SRFBP1: variants seen among roughly 807,000 people sequenced by gnomAD.
SRFBP1 encodes serum response factor-binding protein 1.
In SRFBP1, 47 loss-of-function variants were observed where a neutral mutation model predicts 45.5. That is an observed-to-expected ratio of 1.03 (90% CI 0.82 to 1.32). SRFBP1 has a LOEUF of 1.32. Ranked by LOEUF, SRFBP1 falls within the 40% of genes most tolerant of loss-of-function variation. SRFBP1 has a pLI of 0.00. For missense variants in SRFBP1, 621 were observed against 484.6 expected (o/e 1.28, Z -2.64); for synonymous variants, 203 against 166.3 (o/e 1.22, Z -1.70).
chr5:121,971,513 A>G (rs1561575757), intron 1 of SRFBP1, among the ~76,000 whole-genome samples: 3 of 151,984 alleles, frequency 2.0e-5, no homozygotes, highest in Admixed American at 1.3e-4. Context: ...ATTTGAGGTG[A>G]TTTTGAGCGC....
At chr5:122,077,170 A>G, downstream of SRFBP1, 1 of 1,463,752 alleles carries the variant, frequency 6.8e-7, no homozygotes, top group Non-Finnish European at 9.0e-7. The surrounding 1 kb of genome is among the most constrained non-coding windows in gnomAD (Gnocchi z 4.9). Flanking sequence ...AAGCAATGTG[A>G]AAAGGAAGCA....
chr5:121,989,091 G>A (rs897182620), intron 3 of SRFBP1, among the ~76,000 whole-genome samples: 1 of 151,982 alleles, frequency 6.6e-6, no homozygotes, highest in Non-Finnish European at 1.5e-5. Context: ...TTGAGCCGGA[G>A]TCTAGCTCTA....
intron 2 of SRFBP1, among the ~76,000 whole-genome samples, chr5:122,053,598 T>TTC (rs1290812348): frequency 6.6e-6 from 1 of 152,010 alleles, no homozygotes; most frequent in Non-Finnish European, 1.5e-5. Flanking sequence ...AATAGGAGGC[T>TTC]GCACCCACCA....
At position 122,014,173 on chromosome 5, in the gene SRFBP1, CAG is replaced by C. The variant is rs201556586; in HGVS notation, c.271-5085_271-5084del. ...GTCTAAAATTATTGTCAAAATAAAACAGAAAACACATCTTAGAGTTTTATAAC... is the reference window on the plus strand; with the variant it reads ...GTCTAAAATTATTGTCAAAATAAAACAAAACACATCTTAGAGTTTTATAAC... On this transcript the variant is annotated intron_variant, in intron 4 of 7. Transcript: ENST00000339397. Among the ~76,000 whole-genome samples the C allele has an allele frequency of 4.1e-3, 623 of 152,016 alleles. 15 individuals carry two copies. The East Asian group carries it at 0.053, about 13-fold the overall frequency.
rs543804421 is a variant in SRFBP1 at position 121,981,873 on chromosome 5, A to T, written c.198+6486A>T. Among the ~76,000 whole-genome samples the T allele has an allele frequency of 1.6e-4, 25 of 151,922 alleles. No individual in the cohort carries two copies. The East Asian group carries it at 4.9e-3, about 29-fold the overall frequency. Reference sequence around the variant, plus strand: ...TCAGAACTTCTTAAGAAAATGGGTTATTTTACTCAATTAATTGTTCCTAAC... The same window carrying T: ...TCAGAACTTCTTAAGAAAATGGGTTTTTTTACTCAATTAATTGTTCCTAAC... On this transcript the variant is annotated intron_variant, in intron 3 of 7. Coordinates refer to ENST00000339397, the MANE Select transcript of SRFBP1 (RefSeq NM_152546.3).
rs553761817 is a variant in SRFBP1 at position 122,051,574 on chromosome 5, T to C, written n.312-23741T>C. Reference sequence around the variant, plus strand: ...AGTCTGTTTTGTCTGAAATTAGGATTGCAACCCCTGCTTTTTCTGTTTTCC... The same window carrying C: ...AGTCTGTTTTGTCTGAAATTAGGATCGCAACCCCTGCTTTTTCTGTTTTCC... On this transcript the variant is annotated intron_variant and non_coding_transcript_variant, in intron 2 of 2. Transcript: ENST00000504881. Among the ~76,000 whole-genome samples the C allele has an allele frequency of 3.9e-5, 6 of 152,234 alleles. No individual in the cohort carries two copies. The East Asian group carries it at 1.2e-3, about 29-fold the overall frequency.
chr5:122,039,582 T>C (rs144280876), intron 2 of SRFBP1, among the ~76,000 whole-genome samples: 15 of 152,276 alleles, frequency 9.9e-5, no homozygotes, highest in African/African-American at 2.4e-4. Context: ...TTCCAGATAA[T>C]CTTCCACACT....
chr5:122,059,991 G>T (rs1017675141), intron 2 of SRFBP1, among the ~76,000 whole-genome samples: 3 of 152,066 alleles, frequency 2.0e-5, no homozygotes, highest in African/African-American at 7.2e-5. Context: ...TGGAACTCCA[G>T]TGTGACATGT....
chr5:122,072,068 A>G (rs578130093), intron 2 of SRFBP1, among the ~76,000 whole-genome samples: 1 of 152,350 alleles, frequency 6.6e-6, no homozygotes, highest in East Asian at 1.9e-4. Context: ...GGCATATAAT[A>G]CATACTCAAT....
intron 4 of SRFBP1, among the ~76,000 whole-genome samples, chr5:122,007,031 T>C (rs1752990220): frequency 1.3e-5 from 2 of 152,088 alleles, no homozygotes; most frequent in African/African-American, 2.4e-5. Context: ...CTTATTCTAG[T>C]GTTTGCATAC....
chr5:121,990,166 A>T (rs1043889412), intron 3 of SRFBP1, among the ~76,000 whole-genome samples: 2 of 152,212 alleles, frequency 1.3e-5, no homozygotes, highest in Non-Finnish European at 2.9e-5. Flanking sequence ...ACATGGAATC[A>T]GTGCAGGTGC....
chr5:122,033,430 G>A (rs183215463), downstream of SRFBP1, among the ~76,000 whole-genome samples: 7 of 151,544 alleles, frequency 4.6e-5, no homozygotes, highest in South Asian at 1.0e-3. Context: ...TCCTTACAAC[G>A]GTTTGCTTGC....
chr5:121,975,065 A>T (rs1389296785), intron 2 of SRFBP1, among the ~76,000 whole-genome samples: 2 of 151,962 alleles, frequency 1.3e-5, no homozygotes, highest in African/African-American at 4.8e-5. Context: ...AAGGCAAACT[A>T]TCAAAAGTAA....
intron 7 of SRFBP1, among the ~76,000 whole-genome samples, chr5:122,024,283 G>T (rs146776032): frequency 6.8e-4 from 103 of 152,274 alleles, no homozygotes; most frequent in African/African-American, 2.3e-3. Context: ...TGGCACATGG[G>T]TTGCTTACTT....
At chr5:122,034,573 T>C (rs768832645) in intron 2 of SRFBP1, among the ~76,000 whole-genome samples, 4 of 152,086 alleles carry the variant, frequency 2.6e-5, no homozygotes, top group African/African-American at 4.8e-5. Context: ...TCTCTTCCTA[T>C]TTTTAGTTGC....
At chr5:122,033,763 C>T (rs1227931758) in intron 2 of SRFBP1, among the ~76,000 whole-genome samples, 1 of 149,544 alleles carries the variant, frequency 6.7e-6, no homozygotes, top group Non-Finnish European at 1.5e-5. Context: ...CCAGCCGGTG[C>T]TTCTGCTTTC....
downstream of SRFBP1, chr5:122,077,182 G>A (rs980151911): frequency 4.1e-6 from 6 of 1,466,072 alleles, no homozygotes; most frequent in South Asian, 1.4e-5. This position sits in a 1 kb window ranked among gnomAD's most constrained non-coding sequence, Gnocchi z 4.9. Flanking sequence ...AAGGAAGCAG[G>A]AGGGGCCAGA....
At chr5:122,038,309 A>T (rs1753723251) in intron 2 of SRFBP1, among the ~76,000 whole-genome samples, 1 of 152,230 alleles carries the variant, frequency 6.6e-6, no homozygotes, top group Non-Finnish European at 1.5e-5. Flanking sequence ...TCTGGCACAG[A>T]GTCGGGAGGA....
downstream of SRFBP1, among the ~76,000 whole-genome samples, chr5:122,078,564 C>T (rs1312989346): frequency 6.6e-6 from 1 of 152,164 alleles, no homozygotes; most frequent in East Asian, 1.9e-4. Flanking sequence ...GGCAGCCAGG[C>T]CATGGGGCGA....
Sources: allele counts gnomAD v4.1 joint callset (sites outside exome capture counted in the v4.1 genomes callset), GRCh38; gene constraint gnomAD v4.1.1; non-coding constraint Gnocchi (gnomAD v3.1); transcripts MANE v1.5; gene names NCBI Gene and HGNC (gene_info 2026-07-23, HGNC 2026-07-21).